Variants in CCDC73 observed in about 807,000 individuals in gnomAD.
CCDC73 encodes coiled-coil domain containing 73.
In CCDC73, 95 loss-of-function variants were observed where a neutral mutation model predicts 116.5. The observed-to-expected ratio is 0.82, with a 90% CI of 0.69 to 0.97. CCDC73 has a LOEUF of 0.97. Among genes scored for constraint, CCDC73 ranks in the 50% least tolerant of loss-of-function variants. CCDC73 has a pLI of 0.00. For synonymous variants in CCDC73, 398 were observed against 401.3 expected (o/e 0.99, Z 0.10); for missense variants, 1,066 against 1,206.8 (o/e 0.88, Z 1.73).
At chr11:32,637,598 A>G (rs895183566) in intron 13 of CCDC73, among the ~76,000 whole-genome samples, 2 of 150,854 alleles carry the variant, frequency 1.3e-5, no homozygotes, top group African/African-American at 4.9e-5. Context: ...TCCTGCCCCC[A>G]AACACACACA....
At chr11:32,625,882 G>A (rs545455992) in intron 14 of CCDC73, among the ~76,000 whole-genome samples, 1 of 150,306 alleles carries the variant, frequency 6.7e-6, no homozygotes, top group East Asian at 1.9e-4. Context: ...CATACTGAAT[G>A]GGCAAAAACT....
chr11:32,697,497 T>C (rs927829205), intron 6 of CCDC73, among the ~76,000 whole-genome samples: 5 of 147,262 alleles, frequency 3.4e-5, no homozygotes, highest in Non-Finnish European at 6.0e-5. Context: ...TTTTTTTTTT[T>C]TTTTGAGATG....
At position 32,617,937 on chromosome 11, in the gene CCDC73, C is replaced by T. The variant is rs1855489771; in HGVS notation, c.1186-1808G>A. 1.3e-5 allele frequency among the ~76,000 whole-genome samples: 2 copies of T among 152,110 alleles called. 1 individual carries two copies. The highest frequency in any genetic ancestry group is 4.1e-4 in the South Asian group (2 of 4,822). Reference sequence around the variant, plus strand: ...ATACATGTGCAGGTTGGTTACATGGCTATATTGCATGATGCTGAGCTTTGG... The same window carrying T: ...ATACATGTGCAGGTTGGTTACATGGTTATATTGCATGATGCTGAGCTTTGG... On this transcript the variant is annotated intron_variant, in intron 14 of 17. Coordinates refer to ENST00000335185, the MANE Select transcript of CCDC73 (RefSeq NM_001008391.4).
At chr11:32,687,775 T>C (rs1388660608) in intron 6 of CCDC73, among the ~76,000 whole-genome samples, 1 of 152,154 alleles carries the variant, frequency 6.6e-6, no homozygotes, top group African/African-American at 2.4e-5. Flanking sequence ...TTGGTTTCTA[T>C]ATACCTTTTT....
At position 32,683,517 on chromosome 11, in the gene CCDC73, T is replaced by C. The variant is rs181071037; in HGVS notation, c.429+19A>G. 28 of 1,479,374 alleles carry C rather than the reference T, an allele frequency of 1.9e-5. No individual in the cohort carries two copies. In the African/African-American group the frequency reaches 3.4e-4, roughly 18 times the overall value. 91.6% of individuals were successfully genotyped at this position (1,479,374 alleles called of 1,614,324 possible). A position where few individuals can be genotyped will look rare whatever the true frequency, so the allele number is the denominator to read the frequency against. ...GTACTAATCCAGATGGGGGAAAATATGTTTTGTAATTTCCTTACCATTTCA... is the reference window on the plus strand; with the variant it reads ...GTACTAATCCAGATGGGGGAAAATACGTTTTGTAATTTCCTTACCATTTCA... On this transcript the variant is annotated intron_variant, in intron 7 of 17. Transcript: ENST00000335185.
rs1850630127 is a variant in CCDC73 at position 32,786,465 on chromosome 11, T to C, written c.-16+8148A>G. Reference sequence around the variant, plus strand: ...AAATATATTATTTATATAATTATAATATATAATAAATATATTATTTATATT... The same window carrying C: ...AAATATATTATTTATATAATTATAACATATAATAAATATATTATTTATATT... On this transcript the variant is annotated intron_variant, in intron 1 of 17. Coordinates refer to ENST00000335185, the MANE Select transcript of CCDC73 (RefSeq NM_001008391.4). Among the ~76,000 whole-genome samples the C allele has an allele frequency of 2.2e-5, 3 of 136,530 alleles. No individual in the cohort carries two copies. In the South Asian group the frequency reaches 6.7e-4, roughly 31 times the overall value. The allele number at this position is 136,530 out of a possible 152,430, so 89.6% of individuals were successfully genotyped here. A position where few individuals can be genotyped will look rare whatever the true frequency, so the allele number is the denominator to read the frequency against.
chr11:32,658,242 CTTTCA>C (rs1855892347), intron 9 of CCDC73, among the ~76,000 whole-genome samples: 1 of 152,118 alleles, frequency 6.6e-6, no homozygotes, highest in Non-Finnish European at 1.5e-5. Context: ...ACGTAAATAG[CTTTCA>C]TTTACGTAGT....
chr11:32,635,590 AT>A, intron 14 of CCDC73, 105 bp downstream of exon 14: 14 of 1,056,850 alleles, frequency 1.3e-5, no homozygotes, highest in Non-Finnish European at 1.4e-5. Flanking sequence ...GCATATACTC[AT>A]TTTTTTAAAG....
At chr11:32,807,545 C>T in the CCDC73 span, among the ~76,000 whole-genome samples, 1 of 151,876 alleles carries the variant, frequency 6.6e-6, no homozygotes, top group Non-Finnish European at 1.5e-5. Flanking sequence ...GAATGCAGCC[C>T]AACACAAATT....
At chr11:32,734,324 T>A (rs945817330) in intron 2 of CCDC73, among the ~76,000 whole-genome samples, 1 of 152,072 alleles carries the variant, frequency 6.6e-6, no homozygotes, top group Middle Eastern at 3.4e-3. Flanking sequence ...GGATTCACAG[T>A]CGAATTCTAC....
chr11:32,632,235 G>C (rs571875818), intron 14 of CCDC73, among the ~76,000 whole-genome samples: 247 of 152,108 alleles, frequency 1.6e-3, no homozygotes, highest in African/African-American at 5.7e-3. Context: ...TTTGTTGTTT[G>C]TTTTCTTTGA....
rs12419252 is a variant in CCDC73, at chr11:32,793,900, C to T, written c.-16+713G>A. Among the ~76,000 whole-genome samples, 548 of 152,190 alleles carry T rather than the reference C, an allele frequency of 3.6e-3. 7 individuals carry two copies. The highest frequency in any genetic ancestry group is 6.1e-3 in the Non-Finnish European group (412 of 68,012). ...TGCTGGGACTACAGATGTGAGCCAC[C>T]GCCCCGACCAAATAATTTATATCTA... On this transcript the variant is annotated intron_variant, in intron 1 of 17. Transcript: ENST00000335185.
At chr11:32,688,471 C>T (rs1480240860) in intron 6 of CCDC73, among the ~76,000 whole-genome samples, 2 of 152,158 alleles carry the variant, frequency 1.3e-5, no homozygotes, top group African/African-American at 4.8e-5. Flanking sequence ...ACATAGGATT[C>T]TAAACTAGAT....
chr11:32,612,780 TAGAC>T (rs1343443719), intron 16 of CCDC73, among the ~76,000 whole-genome samples: 15 of 151,822 alleles, frequency 9.9e-5, no homozygotes, highest in African/African-American at 1.7e-4. Flanking sequence ...AACAAAAACA[TAGAC>T]AGCCATGTAC....
At chr11:32,636,733 A>C (rs1283920899) in intron 13 of CCDC73, among the ~76,000 whole-genome samples, 2 of 151,884 alleles carry the variant, frequency 1.3e-5, no homozygotes, top group Admixed American at 6.6e-5. Context: ...CAGTAGGTGT[A>C]AACTCATGTT....
chr11:32,652,152 T>C lies in CCDC73; in HGVS notation c.939+971A>G, dbSNP rs1671294762. On this transcript the variant is annotated intron_variant, in intron 12 of 17. Coordinates refer to ENST00000335185, the MANE Select transcript of CCDC73 (RefSeq NM_001008391.4). ...AAACTTCCAAACTTCAAGAAACATA[T>C]GCCTAGCTGGCTGTGGTAGTGGGCA... Among the ~76,000 whole-genome samples the C allele has an allele frequency of 1.1e-4, 16 of 152,130 alleles. No homozygotes were observed. In the South Asian group the frequency reaches 3.1e-3, roughly 30 times the overall value.
At position 32,614,822 on chromosome 11, in the gene CCDC73, T is replaced by C. The variant is rs763911926; in HGVS notation, c.1496A>G (p.Gln499Arg). The C allele has an allele frequency of 5.6e-6, 9 of 1,613,372 alleles. No homozygotes were observed. In the East Asian group the frequency reaches 1.6e-4, roughly 28 times the overall value. ...TLSLDKEVIS[Q>R]GQTSNVTDNR... The stretch of plus-strand genomic sequence containing the variant: ...GTCCGTAACATTCGAGGTTTGTCCT[T>C]GACTAATTACTTCTTTATCTAAGGA... The change falls in exon 16 of 18, where the codon CAA (glutamine) becomes CGA (arginine). Residue 499 changes from glutamine (Q) to arginine (R), a missense_variant. By Grantham distance (43) the Gln-to-Arg change is conservative. Coordinates refer to ENST00000335185, the MANE Select transcript of CCDC73 (RefSeq NM_001008391.4).
intron 9 of CCDC73, among the ~76,000 whole-genome samples, chr11:32,666,762 GCT>G (rs1855986883): frequency 1.3e-5 from 2 of 152,158 alleles, no homozygotes; most frequent in African/African-American, 4.8e-5. Context: ...CAGCTTTTCT[GCT>G]CTGTTTTTTC....
chr11:32,753,835 C>T (rs1311024010), intron 2 of CCDC73, among the ~76,000 whole-genome samples: 2 of 151,946 alleles, frequency 1.3e-5, no homozygotes, highest in African/African-American at 2.4e-5. Flanking sequence ...TGTTTTCAAA[C>T]TTCTGGCTTC....
Sources: gnomAD v4.1 joint callset for allele counts (sites outside exome capture counted in the v4.1 genomes callset) on GRCh38, gnomAD v4.1.1 for gene constraint, MANE v1.5 for transcripts, NCBI Gene and HGNC (gene_info 2026-07-23, HGNC 2026-07-21) for gene names.